The following RPH3A variants were observed in gnomAD, a reference collection of about 807,000 sequenced individuals.
The protein encoded by RPH3A is rabphilin-3A.
RPH3A carries 48 observed loss-of-function variants against 102.2 expected under a neutral mutation model. The ratio of observed to expected loss-of-function variants is 0.47; its 90% CI spans 0.37 to 0.60. The LOEUF is 0.60. Ranked by LOEUF, RPH3A falls within the 20% of genes least tolerant of loss-of-function variation. RPH3A has a pLI of 0.00. For missense variants in RPH3A, 781 were observed against 910.1 expected (o/e 0.86, Z 1.83); for synonymous variants, 310 against 324.3 (o/e 0.96, Z 0.47).
chr12:112,880,610 A>G (rs1290555713), intron 14 of RPH3A, among the ~76,000 whole-genome samples: 4 of 152,182 alleles, frequency 2.6e-5, no homozygotes, highest in African/African-American at 9.7e-5. Context: ...ACAAGATCCA[A>G]GGAGATCAAT....
intron 1 of RPH3A, among the ~76,000 whole-genome samples, chr12:112,634,429 A>G (rs1388727582): frequency 6.9e-6 from 1 of 144,848 alleles, no homozygotes; most frequent in Non-Finnish European, 1.5e-5. Flanking sequence ...GGTGGCGGGC[A>G]CCTGTGGTCC....
In RPH3A at chr12:112,655,563, C is replaced by CTTTTT. The variant is rs71086113; in HGVS notation, c.-140+80267_-140+80271dup. On this transcript the variant is annotated intron_variant, in intron 1 of 21. Transcript: ENST00000543106. ...GGGCCCATCTCGAATTTTTGTTGGT[C>CTTTTT]TTTTTTTTTTTTTTTTTTTTTTTTT... Among the ~76,000 whole-genome samples, 277 of 55,584 alleles carry CTTTTT rather than the reference C, an allele frequency of 5.0e-3. 35 individuals carry two copies. The highest frequency in any genetic ancestry group is 6.9e-3 in the Non-Finnish European group (212 of 30,636). 36.5% of individuals were successfully genotyped at this position (55,584 alleles called of 152,430 possible).
chr12:112,868,574 C>T lies in RPH3A; in HGVS notation c.589C>T (p.Pro197Ser). 6.2e-7 allele frequency: 1 copy of T among 1,614,078 alleles called. No individual in the cohort carries two copies. Among genetic ancestry groups the T allele is most frequent in the Non-Finnish European group, 8.5e-7 (1 of 1,179,982 alleles). ...ACAGCCTGCTCCTGAGCCCAAGCAC[C>T]CTGCCCGGGCTCCAGCTCGAGGTAG... is the stretch of plus-strand genomic sequence containing the variant. ...PEQPAPEPKH[P>S]ARAPARGDSE... Residue 197 changes from proline to serine, a missense_variant, in exon 8 of 22, where the codon CCT becomes TCT. By Grantham distance (74) the Pro-to-Ser change is moderately conservative (BLOSUM62 -1). Transcript: ENST00000389385.
intron 1 of RPH3A, among the ~76,000 whole-genome samples, chr12:112,577,802 C>T (rs1350905275): frequency 6.6e-6 from 1 of 151,870 alleles, no homozygotes; most frequent in Non-Finnish European, 1.5e-5. Context: ...CTTGACCTCC[C>T]AAAGTGCTAA....
At position 112,866,855 on chromosome 12, in the gene RPH3A, C is replaced by G. The variant is rs199719805; in HGVS notation, c.444+15C>G. The G allele has an allele frequency of 6.3e-7, 1 of 1,596,616 alleles. No individual in the cohort carries two copies. Among genetic ancestry groups the G allele is most frequent in the African/African-American group, 1.3e-5 (1 of 74,718 alleles). Reference sequence around the variant, plus strand: ...AGCAGAGGGAGGTGAGTGCCCTGGTCCCACCTGGTGCCTAGATCACCCTCC... The same window carrying G: ...AGCAGAGGGAGGTGAGTGCCCTGGTGCCACCTGGTGCCTAGATCACCCTCC... On this transcript the variant is annotated intron_variant, in intron 7 of 21. Coordinates refer to ENST00000389385, the MANE Select transcript of RPH3A (RefSeq NM_001143854.2).
At chr12:112,879,308 A>G in intron 14 of RPH3A, 110 bp downstream of exon 14, 1 of 935,436 alleles carries the variant, frequency 1.1e-6, no homozygotes, top group Admixed American at 2.3e-5. Context: ...TTGTCTATCG[A>G]TGATAGTGAC....
intron 2 of RPH3A, among the ~76,000 whole-genome samples, chr12:112,796,588 C>A (rs73425098): frequency 0.057 from 8,639 of 152,290 alleles, 826 homozygotes; most frequent in African/African-American, 0.2. Flanking sequence ...ATGAGTCAGT[C>A]GTTGGTGAAA....
chr12:112,847,560 A>T, intron 4 of RPH3A, 136 bp from the exon 5 acceptor site: 3 of 956,148 alleles, frequency 3.1e-6, no homozygotes, highest in East Asian at 4.9e-5. Flanking sequence ...TGTGTGTCCC[A>T]TTGCAGAGAG....
chr12:112,844,609 T>A (rs1593072764), intron 4 of RPH3A, among the ~76,000 whole-genome samples: 2 of 152,126 alleles, frequency 1.3e-5, no homozygotes, highest in Non-Finnish European at 2.9e-5. Flanking sequence ...AACAAATGTG[T>A]GTTAGTTTAA....
At chr12:112,842,645 T>C (rs1053074369) in intron 4 of RPH3A, among the ~76,000 whole-genome samples, 4 of 152,244 alleles carry the variant, frequency 2.6e-5, no homozygotes, top group African/African-American at 9.6e-5. Context: ...AATGAGTTAC[T>C]GTGAAAATGC....
chr12:112,834,380 C>T (rs536804085), intron 3 of RPH3A, among the ~76,000 whole-genome samples: 14 of 152,008 alleles, frequency 9.2e-5, no homozygotes, highest in Admixed American at 3.3e-4. Context: ...CTCATTTATC[C>T]GTTGATGGAC....
chr12:112,896,553 G>T, intron 21 of RPH3A, 97 bp from the exon 22 acceptor site: 2 of 1,423,620 alleles, frequency 1.4e-6, no homozygotes, highest in Non-Finnish European at 1.9e-6. Context: ...GTTGCTGGGG[G>T]TCACTGCTTG....
intron 2 of RPH3A, among the ~76,000 whole-genome samples, chr12:112,816,805 A>G (rs2041679922): frequency 6.6e-6 from 1 of 152,186 alleles, no homozygotes; most frequent in Non-Finnish European, 1.5e-5. Context: ...ATTTCATTCC[A>G]GTGCAGAAAC....
intron 14 of RPH3A, among the ~76,000 whole-genome samples, chr12:112,879,428 A>G (rs1565939338): frequency 6.6e-6 from 1 of 152,198 alleles, no homozygotes; most frequent in Non-Finnish European, 1.5e-5. Flanking sequence ...TCCTGGGAGT[A>G]CATGCAGCTG....
At chr12:112,715,467 C>T (rs901680498) in intron 1 of RPH3A, among the ~76,000 whole-genome samples, 4 of 152,186 alleles carry the variant, frequency 2.6e-5, no homozygotes, top group Non-Finnish European at 2.9e-5. Context: ...AGCCGGGACT[C>T]TCACTGTTTT....
At chr12:112,766,221 T>C (rs2040887587) in intron 1 of RPH3A, among the ~76,000 whole-genome samples, 1 of 152,174 alleles carries the variant, frequency 6.6e-6, no homozygotes, top group South Asian at 2.1e-4. Flanking sequence ...TCCATACTCA[T>C]GTTGTATGGA....
chr12:112,780,207 A>AT lies in RPH3A; in HGVS notation c.-139-11932dup, dbSNP rs1041100037. ...CTCATGTTGGCCTCATCTTTAAAAA[A>AT]TTTTATTGATTGAGGGGGTACATGG... On this transcript the variant is annotated intron_variant, in intron 1 of 21. Transcript: ENST00000543106. 2.0e-5 allele frequency among the ~76,000 whole-genome samples: 3 copies of AT among 152,106 alleles called. No individual in the cohort carries two copies. The East Asian group carries it at 5.8e-4, about 29-fold the overall frequency.
intron 1 of RPH3A, among the ~76,000 whole-genome samples, chr12:112,637,797 AGAGCCC>A (rs1242165714): frequency 6.6e-6 from 1 of 152,142 alleles, no homozygotes; most frequent in Non-Finnish European, 1.5e-5. Context: ...AGTGATAAAG[AGAGCCC>A]GAAGGCAGAA....
chr12:112,620,988 C>T (rs1566231765), intron 1 of RPH3A, among the ~76,000 whole-genome samples: 1 of 151,966 alleles, frequency 6.6e-6, no homozygotes, highest in African/African-American at 2.4e-5. Flanking sequence ...TCCCACATAT[C>T]TTCCTATTTT....
Sources: gnomAD v4.1 joint callset for allele counts (sites outside exome capture counted in the v4.1 genomes callset) on GRCh38, gnomAD v4.1.1 for gene constraint, MANE v1.5 for transcripts, NCBI Gene and HGNC (gene_info 2026-07-23, HGNC 2026-07-21) for gene names.